The following METTL25 variants were observed in gnomAD, a reference collection of about 807,000 sequenced individuals.
METTL25 encodes methyltransferase like 25.
In METTL25, 64 loss-of-function variants were observed where a neutral mutation model predicts 71.6. The ratio of observed to expected loss-of-function variants is 0.89; its 90% CI spans 0.73 to 1.10. The LOEUF is 1.10. METTL25 is among the 50% of genes least tolerant of loss of function. METTL25 has a pLI of 0.00. For synonymous variants in METTL25, 287 were observed against 250.3 expected (o/e 1.15, Z -1.38); for missense variants, 807 against 707.0 (o/e 1.14, Z -1.60).
intron 1 of METTL25, among the ~76,000 whole-genome samples, chr12:82,372,700 T>C (rs1462363166): frequency 6.6e-6 from 1 of 152,130 alleles, no homozygotes; most frequent in African/African-American, 2.4e-5. Flanking sequence ...TTGGTCCCAG[T>C]GGCTTAGGAT....
chr12:82,439,038 T>G (rs562263205), intron 8 of METTL25: 1 of 268,592 alleles, frequency 3.7e-6, no homozygotes, highest in African/African-American at 2.2e-5. Context: ...TAAAATGTAC[T>G]TTAGAATTTT....
At chr12:82,444,086 A>T (rs80085707) in intron 8 of METTL25, among the ~76,000 whole-genome samples, 4,533 of 152,286 alleles carry the variant, frequency 0.03, 105 homozygotes, top group Non-Finnish European at 0.048. Context: ...TAGGAAAGTT[A>T]AAGACTTTTG....
intron 1 of METTL25, among the ~76,000 whole-genome samples, chr12:82,362,240 AAG>A (rs1882030155): frequency 6.6e-6 from 1 of 152,210 alleles, no homozygotes; most frequent in Non-Finnish European, 1.5e-5. Context: ...CTAAAATAAA[AAG>A]CAAATATGTT....
chr12:82,470,505 C>G (rs1892507730), intron 9 of METTL25, among the ~76,000 whole-genome samples: 1 of 151,900 alleles, frequency 6.6e-6, no homozygotes, highest in Non-Finnish European at 1.5e-5. Context: ...CAATACTAGG[C>G]ACTACAGTAA....
rs375164058 is a variant in METTL25 at position 82,476,647 on chromosome 12, C to T, written c.1576C>T (p.Pro526Ser). The change falls in exon 10 of 12, where the codon CCA becomes TCA. Residue 526 changes from proline to serine, a missense_variant. By Grantham distance (74) the Pro-to-Ser change is moderately conservative (BLOSUM62 -1). Transcript: ENST00000248306. ...ATTGTTGTTTTTTATCTTGAAGCTG[C>T]CAGAAAAAATTATAATGAACTACTA... ...KKLGLDESKL[P>S]EKIIMNYYEK... 29 of 1,584,208 alleles carry T rather than the reference C, an allele frequency of 1.8e-5. No homozygotes were observed. The African/African-American group carries it at 2.9e-4, about 16-fold the overall frequency.
intron 1 of METTL25, among the ~76,000 whole-genome samples, chr12:82,385,539 C>G (rs572002920): frequency 6.6e-6 from 1 of 152,234 alleles, no homozygotes; most frequent in African/African-American, 2.4e-5. Context: ...CCTGATTGGA[C>G]TTTCCCGTCT....
In METTL25 at chr12:82,429,382, T is replaced by C. The variant is rs980207800; in HGVS notation, c.1280-1511T>C. Among the ~76,000 whole-genome samples the C allele has an allele frequency of 1.1e-4, 16 of 151,660 alleles. No individual in the cohort carries two copies. The Admixed American group carries it at 1.1e-3, about 10-fold the overall frequency. On this transcript the variant is annotated intron_variant, in intron 5 of 11. Transcript: ENST00000248306. ...ATATTGCTGCAAATGTAGGGTTTTTTTTTTTTTTTGACCAAATAATACTCT... is the reference window on the plus strand; with the variant it reads ...ATATTGCTGCAAATGTAGGGTTTTTCTTTTTTTTTGACCAAATAATACTCT...
intron 1 of METTL25, among the ~76,000 whole-genome samples, chr12:82,364,879 G>C (rs1218003028): frequency 1.3e-5 from 2 of 151,938 alleles, no homozygotes; most frequent in Non-Finnish European, 2.9e-5. Context: ...TTGTCTGTTG[G>C]CTTGTCTGTA....
At chr12:82,384,496 C>T (rs571260620) in intron 1 of METTL25, among the ~76,000 whole-genome samples, 332 of 143,294 alleles carry the variant, frequency 2.3e-3, no homozygotes, top group Middle Eastern at 4.1e-3. Flanking sequence ...TAAAGTACAG[C>T]AGCTATATTT....
chr12:82,361,544 A>G (rs1185254739), intron 1 of METTL25, among the ~76,000 whole-genome samples: 1 of 152,138 alleles, frequency 6.6e-6, no homozygotes, highest in Non-Finnish European at 1.5e-5. Context: ...GGCGGGCTGC[A>G]GGTCTTGAGC....
rs568282157 is a variant in METTL25 at position 82,440,046 on chromosome 12, G to A, written c.1478+1255G>A. ...CCCCATTGACCTTTTAGTCACATTT[G>A]ACCATGTCGGTAATTGTTTTTTCTC... On this transcript the variant is annotated intron_variant, in intron 8 of 11. Coordinates refer to ENST00000248306, the MANE Select transcript of METTL25 (RefSeq NM_032230.3). Among the ~76,000 whole-genome samples the A allele has an allele frequency of 1.4e-4, 22 of 151,996 alleles. No homozygotes were observed. In the South Asian group the frequency reaches 3.7e-3, roughly 26 times the overall value.
intron 8 of METTL25, among the ~76,000 whole-genome samples, chr12:82,456,245 G>A (rs915686131): frequency 2.0e-5 from 3 of 151,792 alleles, no homozygotes; most frequent in African/African-American, 7.2e-5. Context: ...TTATTAATAA[G>A]AGTTTGCAGG....
At chr12:82,371,842 A>G (rs910872390) in intron 1 of METTL25, among the ~76,000 whole-genome samples, 1 of 152,152 alleles carries the variant, frequency 6.6e-6, no homozygotes, top group Non-Finnish European at 1.5e-5. Flanking sequence ...GTTATGGTGG[A>G]CATCAATGAA....
In METTL25 at chr12:82,399,035, A is replaced by C. The variant is rs1368387709; in HGVS notation, c.772A>C (p.Thr258Pro). 60 of 1,612,124 alleles carry C rather than the reference A, an allele frequency of 3.7e-5. No individual in the cohort carries two copies. Among genetic ancestry groups the C allele is most frequent in the Non-Finnish European group, 4.8e-5 (57 of 1,178,976 alleles). ...VQNKVKNKAD[T>P]EEVFNNSPTN... ...AAATAAAGTTAAAAATAAAGCTGAT[A>C]CTGAGGAAGTGTTTAACAACAGTCC... is the stretch of plus-strand genomic sequence containing the variant. The change falls in exon 4 of 12, where the codon ACT becomes CCT. Residue 258 changes from threonine (T) to proline (P), a missense_variant. Coordinates refer to ENST00000248306, the MANE Select transcript of METTL25 (RefSeq NM_032230.3).
chr12:82,411,853 C>T (rs115245987), intron 5 of METTL25, among the ~76,000 whole-genome samples: 2,000 of 152,134 alleles, frequency 0.013, 36 homozygotes, highest in African/African-American at 0.046. Flanking sequence ...TACAATTCCA[C>T]GCTTCGGTAT....
intron 1 of METTL25, among the ~76,000 whole-genome samples, chr12:82,374,735 A>T (rs1156539197): frequency 6.6e-6 from 1 of 152,254 alleles, no homozygotes; most frequent in Non-Finnish European, 1.5e-5. Flanking sequence ...CTGGAAAATT[A>T]TAAAGCATAT....
chr12:82,383,157 G>A (rs770373827), intron 1 of METTL25, among the ~76,000 whole-genome samples: 3 of 152,002 alleles, frequency 2.0e-5, no homozygotes, highest in Non-Finnish European at 2.9e-5. Context: ...ACTTGATTCT[G>A]AGAGTCAGGT....
intron 5 of METTL25, among the ~76,000 whole-genome samples, chr12:82,421,667 AAAGAG>A (rs1279663785): frequency 4.6e-5 from 7 of 152,184 alleles, no homozygotes; most frequent in South Asian, 2.1e-4. Flanking sequence ...ATAAAGAAGA[AAAGAG>A]AAAAGAATCA....
rs771807849 is a variant in METTL25 at position 82,386,870 on chromosome 12, T to C, written c.327T>C (p.Ala109=). The C allele has an allele frequency of 1.1e-5, 18 of 1,613,458 alleles. No homozygotes were observed. In the Admixed American group the frequency reaches 3.0e-4, roughly 27 times the overall value. Residue 109 remains alanine (A), a synonymous_variant, in exon 2 of 12, where the codon GCT becomes GCC. Coordinates refer to ENST00000248306, the MANE Select transcript of METTL25 (RefSeq NM_032230.3). The part of the protein sequence containing the change: ...SQKLVSVEAF[A]LAAKYYSVQN... Reference sequence around the variant, plus strand: ...AGTTGGTGAGTGTGGAAGCCTTTGCTCTGGCTGCGAAATACTATTCTGTAC... The same window carrying C: ...AGTTGGTGAGTGTGGAAGCCTTTGCCCTGGCTGCGAAATACTATTCTGTAC...
Sources: gnomAD v4.1 joint callset for allele counts (sites outside exome capture counted in the v4.1 genomes callset) on GRCh38, gnomAD v4.1.1 for gene constraint, MANE v1.5 for transcripts, NCBI Gene and HGNC (gene_info 2026-07-23, HGNC 2026-07-21) for gene names.